EPB41L1: variants seen among roughly 807,000 people sequenced by gnomAD.
The protein encoded by EPB41L1 is erythrocyte membrane protein band 4.1 like 1, also known as band 4.1-like protein 1.
A neutral mutation model predicts 97.8 loss-of-function variants in EPB41L1; 29 were observed. The observed-to-expected ratio is 0.30, with a 90% confidence interval of 0.22 to 0.40. The LOEUF (loss-of-function observed/expected upper bound fraction) is 0.40, where lower values mean the gene tolerates loss of function less well. Among genes scored for constraint, EPB41L1 ranks in the 10% least tolerant of loss-of-function variants. EPB41L1 has a pLI of 1.00. For synonymous variants in EPB41L1, 383 were observed against 459.2 expected, an observed-to-expected ratio of 0.83 and a Z score of 2.12; for missense variants, 812 against 1,162.3, an observed-to-expected ratio of 0.70 and a Z score of 4.38.
intron 9 of EPB41L1, among the ~76,000 whole-genome samples, chr20:36,189,493 C>G (rs186760951): frequency 8.7e-4 from 133 of 152,324 alleles, no homozygotes; most frequent in Non-Finnish European, 1.1e-3. Context: ...AAGTCGAGCT[C>G]TTTCCTGCCT....
chr20:36,212,151 C>T lies in EPB41L1; in HGVS notation c.2080-121C>T. On this transcript the variant is annotated intron_variant, in intron 15 of 21. Transcript: ENST00000338074. This position sits in a 1 kb window ranked among gnomAD's most constrained non-coding sequence, Gnocchi z 4.8. ...CTTTTACCCTGTCCAGAGTACCCTT[C>T]CAGAGATGTGGCCAGCTGTGGGGAT... 5.4e-6 allele frequency: 5 copies of T among 927,100 alleles called. No homozygotes were observed. Among genetic ancestry groups the T allele is most frequent in the Non-Finnish European group, 8.7e-6 (5 of 573,652 alleles). The allele number at this position is 927,100 out of a possible 1,614,324, so 57.4% of individuals were successfully genotyped here.
At chr20:36,097,310 TG>T (rs1467807412) in intron 1 of EPB41L1, among the ~76,000 whole-genome samples, 1 of 152,164 alleles carries the variant, frequency 6.6e-6, no homozygotes, top group East Asian at 1.9e-4. Flanking sequence ...ATGTACTAGC[TG>T]GGGGGACTAG....
At position 36,207,038 on chromosome 20, in the gene EPB41L1, A is replaced by G. The variant is rs1196048306; in HGVS notation, c.1669-2450A>G. Reference sequence around the variant, plus strand: ...ACCCAGAAAGGAGGGGCTGAGCTGAAGGACCGCGAGGCTTCAGCATTTCTT... The same window carrying G: ...ACCCAGAAAGGAGGGGCTGAGCTGAGGGACCGCGAGGCTTCAGCATTTCTT... On this transcript the variant is annotated intron_variant, in intron 14 of 21. Transcript: ENST00000338074. The surrounding 1 kb of genome is among the most constrained non-coding windows in gnomAD (Gnocchi z 4.9). The G allele has an allele frequency of 2.3e-6, 3 of 1,289,864 alleles. No homozygotes were observed. The highest frequency in any genetic ancestry group is 3.0e-6 in the Non-Finnish European group (3 of 988,870). 79.9% of individuals were successfully genotyped at this position (1,289,864 alleles called of 1,614,324 possible).
intron 13 of EPB41L1, among the ~76,000 whole-genome samples, chr20:36,196,547 G>A (rs2062213431): frequency 1.3e-5 from 2 of 152,222 alleles, no homozygotes; most frequent in South Asian, 4.1e-4. Context: ...ACAGACAGAT[G>A]TCTGGAGGGA....
intron 1 of EPB41L1, among the ~76,000 whole-genome samples, chr20:36,099,784 C>T (rs184947147): frequency 6.6e-6 from 1 of 152,338 alleles, no homozygotes; most frequent in African/African-American, 2.4e-5. Context: ...TCTGTGGCTC[C>T]TGTCTTCAGT....
chr20:36,186,794 A>G lies in EPB41L1; in HGVS notation c.786-882A>G, dbSNP rs561953829. Among the ~76,000 whole-genome samples the G allele has an allele frequency of 3.1e-4, 47 of 152,314 alleles. No homozygotes were observed. The South Asian group carries it at 7.5e-3, about 24-fold the overall frequency. ...GCTGTCCCTAAAGCTCTTTGGACCT[A>G]AAGCACACTGACATCTCGTGTCCAA... On this transcript the variant is annotated intron_variant, in intron 7 of 21. Transcript: ENST00000338074.
chr20:36,213,392 A>G (rs1192419752), intron 16 of EPB41L1, among the ~76,000 whole-genome samples: 1 of 152,156 alleles, frequency 6.6e-6, no homozygotes, highest in Non-Finnish European at 1.5e-5. Context: ...GTGACAGGGA[A>G]AAAAAGAGAG....
intron 19 of EPB41L1, among the ~76,000 whole-genome samples, chr20:36,221,377 T>A (rs777797267): frequency 3.9e-5 from 6 of 152,352 alleles, no homozygotes; most frequent in Non-Finnish European, 7.3e-5. Context: ...ATTCAACAAA[T>A]CTGCATTCAG....
At chr20:36,149,312 G>A (rs1281732049) in intron 2 of EPB41L1, among the ~76,000 whole-genome samples, 1 of 152,180 alleles carries the variant, frequency 6.6e-6, no homozygotes. Context: ...AGATACGTAT[G>A]GAAAAGTGCT....
Position 36,187,759 on chromosome 20 carries a change from C to G in EPB41L1, c.869C>G (p.Ala290Gly). Residue 290 changes from alanine (A) to glycine (G), a missense_variant, in exon 8 of 22, where the codon GCC (alanine) becomes GGC (glycine). Around this residue, in one of 3 missense-constraint regions of EPB41L1, gnomAD observed 230 missense variants for 445.2 expected, o/e 0.52. Coordinates refer to ENST00000338074, the MANE Select transcript of EPB41L1 (RefSeq NM_012156.2). ...LSMYGVDLHH[A>G]KDSEGIDIML... ...ATGTACGGAGTAGACCTGCACCATGCCAAGGTACCACCAGCTTCCTGGGTT... is the reference window on the plus strand; with the variant it reads ...ATGTACGGAGTAGACCTGCACCATGGCAAGGTACCACCAGCTTCCTGGGTT... 4.3e-6 allele frequency: 7 copies of G among 1,613,638 alleles called. No individual in the cohort carries two copies. Among genetic ancestry groups the G allele is most frequent in the Non-Finnish European group, 5.9e-6 (7 of 1,179,774 alleles).
Position 36,173,938 on chromosome 20 carries a change from C to A in EPB41L1, c.161C>A (p.Thr54Lys). 1 of 1,613,354 alleles carries A rather than the reference C, an allele frequency of 6.2e-7. No individual in the cohort carries two copies. Residue 54 changes from threonine to lysine, a missense_variant, in exon 2 of 22, where the codon ACG becomes AAG. By Grantham distance (78) the Thr-to-Lys change is moderately conservative (BLOSUM62 -1). Transcript: ENST00000338074. The stretch of plus-strand genomic sequence containing the variant: ...GAGAAGCATCCATCCCAGCAGGACA[C>A]GCGGCCTGCTGAACAGGTGTGTGCC... The part of the protein sequence containing the change: ...SNEKHPSQQD[T>K]RPAEQSLDME...
chr20:36,185,896 G>A (rs908223973), intron 7 of EPB41L1, among the ~76,000 whole-genome samples: 3 of 152,222 alleles, frequency 2.0e-5, no homozygotes, highest in African/African-American at 7.2e-5. Context: ...TAGTGTTGCT[G>A]TCTGTGGATC....
intron 1 of EPB41L1, among the ~76,000 whole-genome samples, chr20:36,100,817 C>T (rs1216240415): frequency 6.6e-6 from 1 of 152,140 alleles, no homozygotes; most frequent in East Asian, 1.9e-4. Context: ...GAAGGGCTTC[C>T]AATCGAGGAA....
intron 2 of EPB41L1, chr20:36,113,652 T>G (rs1452425113): frequency 6.6e-6 from 1 of 152,492 alleles, no homozygotes; most frequent in Non-Finnish European, 1.5e-5. Context: ...TGGAGATCTC[T>G]GGGCAGGAAG....
In EPB41L1 at chr20:36,092,385, A is replaced by G. The variant is rs926083091; in HGVS notation, c.-65+773A>G. Among the ~76,000 whole-genome samples, 1 of 151,856 alleles carries G rather than the reference A, an allele frequency of 6.6e-6. No individual in the cohort carries two copies. The highest frequency in any genetic ancestry group is 1.5e-5 in the Non-Finnish European group (1 of 67,930). On this transcript the variant is annotated intron_variant, in intron 1 of 19. Coordinates refer to the EPB41L1 transcript ENST00000202028. This position sits in a 1 kb window ranked among gnomAD's most constrained non-coding sequence, Gnocchi z 7.0. ...CGCAGCTCAGGTTGACGCCGGGCCC[A>G]CGTGGGGAAGCCGGCGGCGGGTCCC...
At chr20:36,201,745 G>A (rs1403271277) in intron 14 of EPB41L1, among the ~76,000 whole-genome samples, 1 of 152,160 alleles carries the variant, frequency 6.6e-6, no homozygotes, top group East Asian at 1.9e-4. Flanking sequence ...CATGGATGCT[G>A]GGCATAGAAT....
chr20:36,144,831 T>TTTACATGTA (rs1414482819), intron 2 of EPB41L1, among the ~76,000 whole-genome samples: 3 of 152,196 alleles, frequency 2.0e-5, no homozygotes, highest in Non-Finnish European at 4.4e-5. Context: ...TTCTAAGATA[T>TTTACATGTA]TTACATGTAT....
At chr20:36,148,493 G>A (rs940819144) in intron 2 of EPB41L1, among the ~76,000 whole-genome samples, 3 of 152,190 alleles carry the variant, frequency 2.0e-5, no homozygotes, top group Non-Finnish European at 4.4e-5. Context: ...CTCATCACAT[G>A]GAATCTGAGA....
chr20:36,183,824 G>A (rs1474990882), intron 6 of EPB41L1, among the ~76,000 whole-genome samples: 1 of 152,160 alleles, frequency 6.6e-6, no homozygotes, highest in Non-Finnish European at 1.5e-5. Flanking sequence ...CTGATTCTGA[G>A]TCTATGCCTT....
Sources: allele counts gnomAD v4.1 joint callset (sites outside exome capture counted in the v4.1 genomes callset), GRCh38; gene constraint gnomAD v4.1.1; regional missense constraint gnomAD v4.1.1; non-coding constraint Gnocchi (gnomAD v3.1); transcripts MANE v1.5; gene names NCBI Gene and HGNC (gene_info 2026-07-23, HGNC 2026-07-21).